Variants in SLC35D4 observed in about 807,000 individuals in gnomAD.
SLC35D4 encodes the protein UDP-N-acetylglucosamine transporter SLC35D4.
chr18:23,346,730 TGAATA>T, the SLC35D4 span, among the ~76,000 whole-genome samples: 1 of 152,216 alleles, frequency 6.6e-6, no homozygotes, highest in South Asian at 2.1e-4. Flanking sequence ...GTTTTTATAA[TGAATA>T]GATGCTAGAT....
the SLC35D4 span, among the ~76,000 whole-genome samples, chr18:23,279,954 C>T: frequency 6.6e-6 from 1 of 152,198 alleles, no homozygotes; most frequent in African/African-American, 2.4e-5. Context: ...ATCCTCCCAC[C>T]TTGGCCTCCT....
chr18:23,292,977 C>T, the SLC35D4 span, among the ~76,000 whole-genome samples: 4 of 152,292 alleles, frequency 2.6e-5, no homozygotes, highest in African/African-American at 7.2e-5. Flanking sequence ...TGGTGGCTCA[C>T]GCCTATAATC....
the SLC35D4 span, among the ~76,000 whole-genome samples, chr18:23,284,339 C>A: frequency 4.9e-4 from 74 of 152,294 alleles, no homozygotes; most frequent in Non-Finnish European, 2.6e-4. Flanking sequence ...TATGAGGCTT[C>A]ATCTACATAA....
the SLC35D4 span, among the ~76,000 whole-genome samples, chr18:23,307,043 A>G: frequency 6.6e-6 from 1 of 152,152 alleles, no homozygotes; most frequent in African/African-American, 2.4e-5. Flanking sequence ...TGTTGTGGCT[A>G]GGCCCCCAGA....
chr18:23,250,424 G>C, the SLC35D4 span, among the ~76,000 whole-genome samples: 1 of 152,220 alleles, frequency 6.6e-6, no homozygotes, highest in African/African-American at 2.4e-5. Context: ...CTCCCAGCTT[G>C]AGGCGAGCAT....
the SLC35D4 span, among the ~76,000 whole-genome samples, chr18:23,387,227 G>A: frequency 1.3e-5 from 2 of 152,140 alleles, no homozygotes; most frequent in African/African-American, 4.8e-5. Flanking sequence ...CTTTATTGTT[G>A]ATAATGATAA....
At chr18:23,425,801 T>C in the SLC35D4 span, among the ~76,000 whole-genome samples, 1 of 152,362 alleles carries the variant, frequency 6.6e-6, no homozygotes, top group East Asian at 1.9e-4. Flanking sequence ...CAGATTATTA[T>C]ACCTTTGGAC....
the SLC35D4 span, among the ~76,000 whole-genome samples, chr18:23,243,219 G>A: frequency 2.0e-5 from 3 of 152,160 alleles, no homozygotes; most frequent in East Asian, 5.8e-4. Context: ...CAAGGTGCCT[G>A]AGGCTTATTC....
At chr18:23,437,198 G>T in the SLC35D4 span, among the ~76,000 whole-genome samples, 2 of 152,078 alleles carry the variant, frequency 1.3e-5, no homozygotes. Flanking sequence ...TCACCAAAAG[G>T]TTTTCATGAT....
the SLC35D4 span, among the ~76,000 whole-genome samples, chr18:23,291,131 A>G: frequency 6.6e-6 from 1 of 152,206 alleles, no homozygotes; most frequent in Non-Finnish European, 1.5e-5. Flanking sequence ...TTGCCCTGCA[A>G]TGGGGTCTGA....
chr18:23,305,351 A>G, the SLC35D4 span, among the ~76,000 whole-genome samples: 1 of 152,068 alleles, frequency 6.6e-6, no homozygotes, highest in African/African-American at 2.4e-5. Flanking sequence ...CCGCCTGTAC[A>G]TTATCTACAC....
chr18:23,350,619 A>G, the SLC35D4 span, among the ~76,000 whole-genome samples: 1 of 152,120 alleles, frequency 6.6e-6, no homozygotes, highest in Non-Finnish European at 1.5e-5. Context: ...AGAACTACCT[A>G]TTAAGTCCCC....
chr18:23,332,683 C>T, the SLC35D4 span, among the ~76,000 whole-genome samples: 4 of 151,724 alleles, frequency 2.6e-5, no homozygotes, highest in South Asian at 8.3e-4. Flanking sequence ...TCTTTAAACA[C>T]CAGTGTAGCA....
At chr18:23,282,126 C>T in the SLC35D4 span, among the ~76,000 whole-genome samples, 1 of 152,342 alleles carries the variant, frequency 6.6e-6, no homozygotes, top group African/African-American at 2.4e-5. Context: ...CTCCGCGGCT[C>T]CCCGAGGCTC....
At chr18:23,369,813 C>A in the SLC35D4 span, among the ~76,000 whole-genome samples, 1 of 152,194 alleles carries the variant, frequency 6.6e-6, no homozygotes, top group Admixed American at 6.5e-5. Flanking sequence ...GAGTCTCTGG[C>A]TGAATGGAAG....
chr18:23,324,782 G>T, the SLC35D4 span, among the ~76,000 whole-genome samples: 21 of 152,192 alleles, frequency 1.4e-4, no homozygotes, highest in African/African-American at 5.1e-4. Context: ...CAGCATGAAC[G>T]AGCCCAGCAC....
the SLC35D4 span, among the ~76,000 whole-genome samples, chr18:23,305,518 T>C: frequency 2.0e-5 from 3 of 152,238 alleles, no homozygotes; most frequent in African/African-American, 4.8e-5. Context: ...CTTTAAAATA[T>C]GGATGACTTG....
At chr18:23,354,786 G>C in the SLC35D4 span, among the ~76,000 whole-genome samples, 1 of 152,230 alleles carries the variant, frequency 6.6e-6, no homozygotes, top group African/African-American at 2.4e-5. Context: ...GCTCGTGCAG[G>C]TTTGTGACTG....
the SLC35D4 span, among the ~76,000 whole-genome samples, chr18:23,324,049 C>T: frequency 1.3e-5 from 2 of 150,814 alleles, no homozygotes; most frequent in Non-Finnish European, 2.9e-5. Flanking sequence ...CACCACCGCA[C>T]TCCACCCTGG....
Sources: allele counts gnomAD v4.1 joint callset (sites outside exome capture counted in the v4.1 genomes callset), GRCh38; gene constraint gnomAD v4.1.1; transcripts MANE v1.5; gene names NCBI Gene and HGNC (gene_info 2026-07-23, HGNC 2026-07-21).